Variants in MARCHF11 observed in about 807,000 individuals in gnomAD.
MARCHF11 encodes the protein membrane associated ring-CH-type finger 11.
In MARCHF11, 29 loss-of-function variants were observed where a neutral mutation model predicts 37.3. That is an observed-to-expected ratio of 0.78 (90% CI 0.58 to 1.06). The LOEUF (loss-of-function observed/expected upper bound fraction) is 1.06. Ranked by LOEUF, MARCHF11 falls within the 50% of genes least tolerant of loss-of-function variation. The pLI, the probability that MARCHF11 is intolerant of heterozygous loss-of-function variation, is 0.00. For missense variants in MARCHF11, 482 were observed against 533.4 expected (o/e 0.90, Z 0.95); for synonymous variants, 233 against 228.0 (o/e 1.02, Z -0.20).
At chr5:16,151,649 ATG>A (rs58891017) in intron 2 of MARCHF11, among the ~76,000 whole-genome samples, 8,311 of 131,380 alleles carry the variant, frequency 0.063, 253 homozygotes, top group South Asian at 0.087. Context: ...CGTGAGTTGA[ATG>A]TGTGTGTGTG....
At chr5:16,168,747 A>G (rs926921264) in intron 2 of MARCHF11, among the ~76,000 whole-genome samples, 1 of 152,098 alleles carries the variant, frequency 6.6e-6, no homozygotes, top group African/African-American at 2.4e-5. Flanking sequence ...ATGATGATAG[A>G]AAAAGGAAGA....
At chr5:16,104,794 T>C (rs977012050) in intron 2 of MARCHF11, among the ~76,000 whole-genome samples, 1 of 152,186 alleles carries the variant, frequency 6.6e-6, no homozygotes, top group African/African-American at 2.4e-5. Flanking sequence ...CAGATTTGAA[T>C]TGAGGGTCTG....
intron 2 of MARCHF11, among the ~76,000 whole-genome samples, chr5:16,113,824 A>G (rs991760732): frequency 1.3e-5 from 2 of 152,152 alleles, no homozygotes; most frequent in Non-Finnish European, 2.9e-5. Flanking sequence ...TATACAATAT[A>G]TTGCTGTTAA....
At chr5:16,131,986 C>G (rs1055687678) in intron 2 of MARCHF11, among the ~76,000 whole-genome samples, 2 of 152,166 alleles carry the variant, frequency 1.3e-5, no homozygotes, top group Non-Finnish European at 2.9e-5. Context: ...GTGAAGAAGC[C>G]ACTGACTGCA....
At chr5:16,068,579 G>A (rs1736387454) in intron 3 of MARCHF11, among the ~76,000 whole-genome samples, 1 of 152,140 alleles carries the variant, frequency 6.6e-6, no homozygotes, top group Admixed American at 6.6e-5. Flanking sequence ...CCACGTTTCT[G>A]AGACAGACTC....
intron 2 of MARCHF11, among the ~76,000 whole-genome samples, chr5:16,124,668 G>A (rs1432078381): frequency 4.6e-5 from 7 of 152,108 alleles, no homozygotes; most frequent in Non-Finnish European, 8.8e-5. Flanking sequence ...GTCAAAACTG[G>A]AGGCATGTTC....
rs146251875 is a variant in MARCHF11 at position 16,134,977 on chromosome 5, T to TTCTCTCTCTCTCTC, written c.693+42735_693+42748dup. ...CTATACCTGCAGGATTATGAGTGATTTCTCTCTCTCTCTCTCTCTCTCACA... is the reference window on the plus strand; with the variant it reads ...CTATACCTGCAGGATTATGAGTGATTTCTCTCTCTCTCTCTCTCTCTCTCTCTCTCTCTCTCACA... On this transcript the variant is annotated intron_variant, in intron 2 of 3. Coordinates refer to ENST00000332432, the MANE Select transcript of MARCHF11 (RefSeq NM_001102562.3). Among the ~76,000 whole-genome samples the TTCTCTCTCTCTCTC allele has an allele frequency of 2.5e-3, 353 of 143,050 alleles. 2 individuals carry two copies. Among genetic ancestry groups the TTCTCTCTCTCTCTC allele is most frequent in the African/African-American group, 8.5e-3 (317 of 37,398 alleles). The allele number at this position is 143,050 out of a possible 152,430, so 93.8% of individuals were successfully genotyped here. A position where few individuals can be genotyped will look rare whatever the true frequency, so the allele number is the denominator to read the frequency against.
chr5:16,129,125 C>T (rs368095160), intron 2 of MARCHF11: 62 of 152,292 alleles, frequency 4.1e-4, no homozygotes, highest in African/African-American at 1.5e-3. Flanking sequence ...AGTCCTTCTA[C>T]GTGGCAATCA....
At chr5:16,121,327 C>T (rs570035351) in intron 2 of MARCHF11, among the ~76,000 whole-genome samples, 2 of 152,250 alleles carry the variant, frequency 1.3e-5, no homozygotes, top group East Asian at 3.9e-4. Flanking sequence ...TTTTAATATG[C>T]CTTGCCCATT....
intron 2 of MARCHF11, among the ~76,000 whole-genome samples, chr5:16,105,267 G>C (rs906961123): frequency 6.6e-6 from 1 of 152,128 alleles, no homozygotes; most frequent in African/African-American, 2.4e-5. Context: ...TGTGAGATTT[G>C]GCAGCTCATT....
At chr5:16,139,812 A>G (rs1456972209) in intron 2 of MARCHF11, among the ~76,000 whole-genome samples, 1 of 152,164 alleles carries the variant, frequency 6.6e-6, no homozygotes, top group African/African-American at 2.4e-5. Flanking sequence ...GTAAGAAATA[A>G]GAATAAAATT....
At chr5:16,155,895 T>A (rs1442437345) in intron 2 of MARCHF11, among the ~76,000 whole-genome samples, 1 of 151,952 alleles carries the variant, frequency 6.6e-6, no homozygotes, top group Non-Finnish European at 1.5e-5. Context: ...TCAGCCGTAG[T>A]CAGCCTGTGA....
intron 2 of MARCHF11, among the ~76,000 whole-genome samples, chr5:16,102,045 A>G (rs1328733599): frequency 2.6e-5 from 4 of 152,194 alleles, no homozygotes; most frequent in Admixed American, 1.3e-4. Context: ...TTCTTCTCAT[A>G]AGGACCTCAA....
At chr5:16,088,829 A>G (rs980467402) in intron 3 of MARCHF11, among the ~76,000 whole-genome samples, 6 of 152,310 alleles carry the variant, frequency 3.9e-5, no homozygotes, top group Middle Eastern at 3.4e-3. Flanking sequence ...AGTGCCGTCA[A>G]TATTTAAGAC....
chr5:16,170,609 T>C (rs1362233939), intron 2 of MARCHF11, among the ~76,000 whole-genome samples: 4 of 152,178 alleles, frequency 2.6e-5, no homozygotes, highest in Non-Finnish European at 2.9e-5. Flanking sequence ...ATAACCTCCA[T>C]GGTTCTTGCC....
At chr5:16,162,050 G>T (rs1052521589) in intron 2 of MARCHF11, among the ~76,000 whole-genome samples, 2 of 151,886 alleles carry the variant, frequency 1.3e-5, no homozygotes, top group Admixed American at 6.6e-5. Flanking sequence ...CCAGGTAGAC[G>T]CAATTTATCA....
At chr5:16,074,211 T>C (rs1736479436) in intron 3 of MARCHF11, among the ~76,000 whole-genome samples, 1 of 152,142 alleles carries the variant, frequency 6.6e-6, no homozygotes, top group African/African-American at 2.4e-5. Flanking sequence ...TGAACGATAA[T>C]ATTGACACAA....
At chr5:16,081,313 T>C (rs927586378) in intron 3 of MARCHF11, among the ~76,000 whole-genome samples, 1 of 152,224 alleles carries the variant, frequency 6.6e-6, no homozygotes, top group African/African-American at 2.4e-5. Flanking sequence ...CAAGCTGTGC[T>C]AACCTTTCAT....
intron 2 of MARCHF11, among the ~76,000 whole-genome samples, chr5:16,175,605 A>C (rs1354288277): frequency 2.0e-5 from 3 of 152,232 alleles, no homozygotes; most frequent in Admixed American, 6.5e-5. Flanking sequence ...TTTGTCATGA[A>C]GATTAAATAT....
Sources: gnomAD v4.1 joint callset for allele counts (sites outside exome capture counted in the v4.1 genomes callset) on GRCh38, gnomAD v4.1.1 for gene constraint, MANE v1.5 for transcripts, NCBI Gene and HGNC (gene_info 2026-07-23, HGNC 2026-07-21) for gene names.